CDC14B: variants seen among roughly 807,000 people sequenced by gnomAD.
CDC14B encodes the protein cell division cycle 14B.
Under a neutral mutation model 64.2 loss-of-function variants are expected in CDC14B, and 22 were observed. That is an observed-to-expected ratio of 0.34 (90% confidence interval 0.24 to 0.49). The LOEUF is 0.49. Among genes scored for constraint, CDC14B ranks in the 20% least tolerant of loss-of-function variants. The pLI is 0.99. For missense variants in CDC14B, 498 were observed against 629.9 expected (o/e 0.79, Z 2.24); for synonymous variants, 191 against 215.8 (o/e 0.89, Z 1.01).
intron 1 of CDC14B, among the ~76,000 whole-genome samples, chr9:96,588,778 T>G (rs1414462445): frequency 6.6e-6 from 1 of 152,118 alleles, no homozygotes; most frequent in East Asian, 1.9e-4. Context: ...CCAGCCAAAT[T>G]TGTAGTTTTT....
At chr9:96,562,853 G>T in intron 3 of CDC14B, 68 bp from the exon 4 acceptor site, 2 of 1,038,258 alleles carry the variant, frequency 1.9e-6, no homozygotes, top group Non-Finnish European at 3.0e-6. Flanking sequence ...TTCATTTTGT[G>T]ATGAAGATCA....
intron 12 of CDC14B, among the ~76,000 whole-genome samples, chr9:96,517,837 T>A (rs1041846296): frequency 6.6e-6 from 1 of 151,238 alleles, no homozygotes; most frequent in Non-Finnish European, 1.5e-5. Context: ...CCCAGTTTTT[T>A]TTTTTTATTT....
chr9:96,521,183 C>A (rs1297618786), intron 12 of CDC14B, among the ~76,000 whole-genome samples: 3 of 152,138 alleles, frequency 2.0e-5, no homozygotes, highest in African/African-American at 2.4e-5. Context: ...GATCCTCCTG[C>A]CTCACCCTCC....
chr9:96,508,494 C>T (rs1834471168), intron 13 of CDC14B, among the ~76,000 whole-genome samples: 1 of 152,214 alleles, frequency 6.6e-6, no homozygotes, highest in Non-Finnish European at 1.5e-5. Flanking sequence ...GACCTTTGGT[C>T]AGTATTTCTC....
chr9:96,590,370 A>T (rs1845709954), intron 1 of CDC14B, among the ~76,000 whole-genome samples: 1 of 151,964 alleles, frequency 6.6e-6, no homozygotes, highest in African/African-American at 2.4e-5. Flanking sequence ...TACATACCAG[A>T]TTTTCTTTTT....
intron 12 of CDC14B, among the ~76,000 whole-genome samples, chr9:96,516,397 A>C (rs763841335): frequency 4.4e-4 from 67 of 152,020 alleles, no homozygotes; most frequent in Non-Finnish European, 8.4e-4. Context: ...CATACTATAG[A>C]CTTTTCTTAG....
At chr9:96,605,449 G>A (rs1413227672) in intron 1 of CDC14B, among the ~76,000 whole-genome samples, 1 of 152,152 alleles carries the variant, frequency 6.6e-6, no homozygotes, top group Non-Finnish European at 1.5e-5. Flanking sequence ...ACTCTGCAGC[G>A]TGTGTCCTAT....
intron 1 of CDC14B, chr9:96,566,976 C>T: frequency 6.9e-7 from 1 of 1,450,750 alleles, no homozygotes; most frequent in Non-Finnish European, 9.1e-7. Context: ...CGGCCTGACA[C>T]GACAGCGCAA....
intron 1 of CDC14B, among the ~76,000 whole-genome samples, chr9:96,613,221 A>G (rs1847427954): frequency 6.6e-6 from 1 of 152,246 alleles, no homozygotes; most frequent in South Asian, 2.1e-4. Context: ...CTATCAATTC[A>G]GTGATTCCCA....
intron 1 of CDC14B, among the ~76,000 whole-genome samples, chr9:96,573,151 A>G (rs1844574875): frequency 6.6e-6 from 1 of 152,192 alleles, no homozygotes; most frequent in Non-Finnish European, 1.5e-5. Flanking sequence ...TCTACTAAAA[A>G]TACAAAAAAT....
chr9:96,596,488 T>A (rs1390420914), intron 1 of CDC14B, among the ~76,000 whole-genome samples: 1 of 151,688 alleles, frequency 6.6e-6, no homozygotes, highest in African/African-American at 2.4e-5. Context: ...TAATGGCAGA[T>A]AAGACATAAG....
intron 1 of CDC14B, chr9:96,618,542 G>A (rs372940125): frequency 3.7e-6 from 2 of 533,486 alleles, no homozygotes; most frequent in Non-Finnish European, 7.7e-6. Flanking sequence ...CCGGACATTC[G>A]TCTTGCCGGC....
chr9:96,563,575 G>A (rs2132288652), intron 3 of CDC14B, among the ~76,000 whole-genome samples: 1 of 151,294 alleles, frequency 6.6e-6, no homozygotes, highest in South Asian at 2.1e-4. Context: ...ACTTGAACCA[G>A]GGGGGTGGAG....
chr9:96,538,879 C>T (rs960418670), intron 7 of CDC14B, 199 bp downstream of exon 7: 4 of 517,396 alleles, frequency 7.7e-6, no homozygotes, highest in African/African-American at 5.8e-5. Flanking sequence ...ATTCTCATCA[C>T]ACACGCCAAA....
intron 5 of CDC14B, among the ~76,000 whole-genome samples, chr9:96,543,204 G>C (rs1184006901): frequency 1.3e-5 from 2 of 151,844 alleles, no homozygotes; most frequent in Non-Finnish European, 2.9e-5. Flanking sequence ...GGCGTGGTGG[G>C]GGGCACCTGT....
intron 13 of CDC14B, 48 bp downstream of exon 13, chr9:96,509,625 G>A (rs961952170): frequency 8.5e-7 from 1 of 1,177,650 alleles, no homozygotes; most frequent in African/African-American, 1.5e-5. Flanking sequence ...TATTAAACTG[G>A]AAAACAAACG....
intron 1 of CDC14B, among the ~76,000 whole-genome samples, chr9:96,612,733 A>G (rs931055281): frequency 5.3e-5 from 8 of 152,232 alleles, no homozygotes; most frequent in Non-Finnish European, 1.0e-4. Flanking sequence ...TTCTCAATTA[A>G]CACTGAAAAC....
intron 9 of CDC14B, among the ~76,000 whole-genome samples, chr9:96,529,498 T>TC (rs1838102089): frequency 1.3e-5 from 2 of 150,766 alleles, no homozygotes; most frequent in African/African-American, 4.9e-5. Flanking sequence ...GCCTTTTTTT[T>TC]TTTTTTTTTT....
At chr9:96,554,627 T>C (rs57972280) in intron 4 of CDC14B, among the ~76,000 whole-genome samples, 7,918 of 152,246 alleles carry the variant, frequency 0.052, 693 homozygotes, top group African/African-American at 0.18. Context: ...TGGGGAATGC[T>C]GGCACATAAA....
Sources: gnomAD v4.1 joint callset for allele counts (sites outside exome capture counted in the v4.1 genomes callset) on GRCh38, gnomAD v4.1.1 for gene constraint, MANE v1.5 for transcripts, NCBI Gene and HGNC (gene_info 2026-07-23, HGNC 2026-07-21) for gene names.